The following AHCYL2 variants were observed in gnomAD, a reference collection of about 807,000 sequenced individuals.
AHCYL2 encodes the protein adenosylhomocysteinase like 2.
Under a neutral mutation model 81.4 loss-of-function variants are expected in AHCYL2, and 28 were observed. The ratio of observed to expected loss-of-function variants is 0.34; its 90% CI spans 0.25 to 0.47. The LOEUF (loss-of-function observed/expected upper bound fraction) is 0.47, where lower values mean the gene tolerates loss of function less well. AHCYL2 is among the 20% of genes least tolerant of loss of function. AHCYL2 has a pLI of 1.00. For synonymous variants in AHCYL2, 272 were observed against 290.2 expected (o/e 0.94, Z 0.64); for missense variants, 551 against 785.1 (o/e 0.70, Z 3.56).
chr7:129,362,286 C>G (rs1398515620), intron 1 of AHCYL2, among the ~76,000 whole-genome samples: 1 of 152,088 alleles, frequency 6.6e-6, no homozygotes, highest in Non-Finnish European at 1.5e-5. Flanking sequence ...TAGTCTTTAC[C>G]TGTAATGATG....
rs1584868553 is a variant in AHCYL2 at position 129,389,622 on chromosome 7, G to C, written c.620-12G>C. 18 of 1,591,956 alleles carry C rather than the reference G, an allele frequency of 1.1e-5. No homozygotes were observed. Among genetic ancestry groups the C allele is most frequent in the Non-Finnish European group, 1.5e-5 (18 of 1,168,960 alleles). On this transcript the variant is annotated splice_polypyrimidine_tract_variant and intron_variant, in intron 3 of 16. Coordinates refer to ENST00000325006, the MANE Select transcript of AHCYL2 (RefSeq NM_015328.4). ...CTTCTTTAATATTGCTGTATTTATT[G>C]GGCCTTTTCAGAAATGCCTGCATTG...
chr7:129,341,595 G>C (rs1037172635), intron 1 of AHCYL2, among the ~76,000 whole-genome samples: 1 of 152,310 alleles, frequency 6.6e-6, no homozygotes, highest in Non-Finnish European at 1.5e-5. Flanking sequence ...GAGAAAGAAA[G>C]GGAAAGTATA....
At chr7:129,388,741 C>T (rs1351381912) in intron 2 of AHCYL2, 5 of 238,162 alleles carry the variant, frequency 2.1e-5, no homozygotes, top group Non-Finnish European at 3.2e-5. Context: ...TGTTAATGAC[C>T]ACGATCTTGC....
chr7:129,404,513 A>G (rs1444390522), intron 7 of AHCYL2, among the ~76,000 whole-genome samples: 1 of 152,328 alleles, frequency 6.6e-6, no homozygotes, highest in East Asian at 1.9e-4. Context: ...CGTCTCTACT[A>G]AAAATACAAA....
At chr7:129,250,988 T>C (rs1795227951) in intron 1 of AHCYL2, among the ~76,000 whole-genome samples, 1 of 152,210 alleles carries the variant, frequency 6.6e-6, no homozygotes, top group Non-Finnish European at 1.5e-5. Context: ...CTTTGTGTTT[T>C]CTGATGCTGT....
At chr7:129,286,661 A>G (rs1796640794) in intron 1 of AHCYL2, among the ~76,000 whole-genome samples, 1 of 151,998 alleles carries the variant, frequency 6.6e-6, no homozygotes, top group African/African-American at 2.4e-5. Flanking sequence ...GGGTTTCACC[A>G]TGTTGGCCAG....
intron 4 of AHCYL2, 21 bp downstream of exon 4, chr7:129,389,755 C>T (rs765638905): frequency 6.3e-7 from 1 of 1,585,832 alleles, no homozygotes; most frequent in Non-Finnish European, 8.6e-7. Flanking sequence ...TTCTTTTCTC[C>T]TTTTAATTAC....
At chr7:129,243,847 C>T (rs1309434552) in intron 1 of AHCYL2, among the ~76,000 whole-genome samples, 1 of 152,162 alleles carries the variant, frequency 6.6e-6, no homozygotes, top group Non-Finnish European at 1.5e-5. Flanking sequence ...CCTGCCTCGG[C>T]CTCCCAAAGT....
chr7:129,258,689 C>T (rs909610897), intron 1 of AHCYL2, among the ~76,000 whole-genome samples: 74 of 151,560 alleles, frequency 4.9e-4, no homozygotes, highest in African/African-American at 1.7e-3. Context: ...CAGTTCCTAT[C>T]GTAAGCAATT....
chr7:129,265,632 G>T (rs552495010), intron 1 of AHCYL2, among the ~76,000 whole-genome samples: 8 of 152,266 alleles, frequency 5.3e-5, no homozygotes, highest in Admixed American at 5.2e-4. Flanking sequence ...ATTAAGGCTG[G>T]CAGGTAATGA....
intron 1 of AHCYL2, among the ~76,000 whole-genome samples, chr7:129,370,955 C>T (rs1219653284): frequency 6.6e-6 from 1 of 152,212 alleles, no homozygotes; most frequent in Non-Finnish European, 1.5e-5. Flanking sequence ...AAGTCATTGA[C>T]TCCTGACTTG....
At chr7:129,229,483 C>T (rs558999249) in intron 1 of AHCYL2, among the ~76,000 whole-genome samples, 1 of 150,044 alleles carries the variant, frequency 6.7e-6, no homozygotes, top group South Asian at 2.2e-4. Context: ...AAGTGCCTTG[C>T]CCAAGGTTAT....
intron 1 of AHCYL2, among the ~76,000 whole-genome samples, chr7:129,301,109 G>A (rs1014275371): frequency 1.3e-5 from 2 of 152,182 alleles, no homozygotes; most frequent in African/African-American, 4.8e-5. Context: ...GTGAGCCACT[G>A]CACCTGGCCT....
intron 1 of AHCYL2, among the ~76,000 whole-genome samples, chr7:129,247,757 A>G (rs1270789473): frequency 1.3e-5 from 2 of 152,066 alleles, no homozygotes; most frequent in South Asian, 2.1e-4. Context: ...GTGTGCCACC[A>G]TGCCCAGCTA....
chr7:129,395,014 T>A (rs1357675189), intron 4 of AHCYL2, among the ~76,000 whole-genome samples: 1 of 152,158 alleles, frequency 6.6e-6, no homozygotes, highest in East Asian at 1.9e-4. Context: ...TTTTTTTTTT[T>A]ACTTTTTGTA....
chr7:129,261,179 G>T (rs1276555906), intron 1 of AHCYL2, among the ~76,000 whole-genome samples: 3 of 152,068 alleles, frequency 2.0e-5, no homozygotes, highest in Admixed American at 6.6e-5. Flanking sequence ...TTTTCAGCAC[G>T]TTGTTTCTAT....
At position 129,311,197 on chromosome 7, in the gene AHCYL2, A is replaced by T. The variant is rs923932553; in HGVS notation, c.364-68441A>T. Among the ~76,000 whole-genome samples, 100 of 152,166 alleles carry T rather than the reference A, an allele frequency of 6.6e-4. 1 individual carries two copies. Among genetic ancestry groups the T allele is most frequent in the Non-Finnish European group, 1.5e-4 (10 of 68,044 alleles). On this transcript the variant is annotated intron_variant, in intron 1 of 16. Transcript: ENST00000325006. Reference sequence around the variant, plus strand: ...GGAAGAAAGCAAGATTGGAAGAAGAAGGGAATAAAAATGGACTGAAGTCCT... The same window carrying T: ...GGAAGAAAGCAAGATTGGAAGAAGATGGGAATAAAAATGGACTGAAGTCCT...
intron 11 of AHCYL2, among the ~76,000 whole-genome samples, 165 bp downstream of exon 11, chr7:129,409,711 C>T (rs1484775871): frequency 6.6e-6 from 1 of 152,166 alleles, no homozygotes; most frequent in Non-Finnish European, 1.5e-5. Flanking sequence ...CTTTAGAGCT[C>T]CGACCAAAGG....
At chr7:129,297,512 C>G (rs554720360) in intron 1 of AHCYL2, among the ~76,000 whole-genome samples, 2 of 152,306 alleles carry the variant, frequency 1.3e-5, no homozygotes, top group Non-Finnish European at 2.9e-5. Flanking sequence ...TGCTTGAGAC[C>G]TAATTGGTCT....
Sources: gnomAD v4.1 joint callset for allele counts (sites outside exome capture counted in the v4.1 genomes callset) on GRCh38, gnomAD v4.1.1 for gene constraint, MANE v1.5 for transcripts, NCBI Gene and HGNC (gene_info 2026-07-23, HGNC 2026-07-21) for gene names.